SLC4A10: variants seen among roughly 807,000 people sequenced by gnomAD.
The protein encoded by SLC4A10 is sodium-driven chloride bicarbonate exchanger.
A neutral mutation model predicts 137.7 loss-of-function variants in SLC4A10; 42 were observed. That is an observed-to-expected ratio of 0.30 (90% CI 0.24 to 0.39). The LOEUF (loss-of-function observed/expected upper bound fraction) is 0.39, where lower values mean the gene tolerates loss of function less well. SLC4A10 is among the 10% of genes least tolerant of loss of function. The pLI is 1.00. For missense variants in SLC4A10, 925 were observed against 1,355.0 expected, an observed-to-expected ratio of 0.68 and a Z score of 4.98; for synonymous variants, 474 against 464.1, an observed-to-expected ratio of 1.02 and a Z score of -0.27.
At chr2:161,849,826 C>T (rs1482229284) in intron 4 of SLC4A10, among the ~76,000 whole-genome samples, 1 of 152,012 alleles carries the variant, frequency 6.6e-6, no homozygotes. Context: ...AGGATTTTTG[C>T]ATCTATGTTT....
chr2:161,862,726 G>T, intron 5 of SLC4A10, 148 bp from the exon 6 acceptor site: 2 of 576,890 alleles, frequency 3.5e-6, no homozygotes, highest in Non-Finnish European at 5.3e-6. Flanking sequence ...ATTTATAACA[G>T]CATGCTTAGA....
chr2:161,665,510 T>C (rs994488411), intron 1 of SLC4A10, among the ~76,000 whole-genome samples: 10 of 151,624 alleles, frequency 6.6e-5, no homozygotes, highest in African/African-American at 2.4e-4. Context: ...ACAAGATAGG[T>C]GAAGTCCTGT....
intron 11 of SLC4A10, among the ~76,000 whole-genome samples, chr2:161,899,584 C>A (rs1441976498): frequency 6.6e-6 from 1 of 152,052 alleles, no homozygotes; most frequent in Non-Finnish European, 1.5e-5. Context: ...TTACTTGGCT[C>A]CCAAAACATC....
intron 1 of SLC4A10, among the ~76,000 whole-genome samples, chr2:161,631,619 G>GAA (rs915395508): frequency 1.8e-4 from 27 of 151,512 alleles, no homozygotes; most frequent in African/African-American, 6.5e-4. Flanking sequence ...GAGAGAGAGA[G>GAA]AACTATTTCA....
chr2:161,666,891 G>C (rs892675854), intron 1 of SLC4A10, among the ~76,000 whole-genome samples: 100 of 151,758 alleles, frequency 6.6e-4, no homozygotes, highest in African/African-American at 2.3e-3. Context: ...CTGCTTATAA[G>C]TTATATTCTA....
chr2:161,638,082 C>T (rs1385592441), intron 1 of SLC4A10, among the ~76,000 whole-genome samples: 1 of 152,108 alleles, frequency 6.6e-6, no homozygotes, highest in Non-Finnish European at 1.5e-5. Context: ...ATTAAGTTGT[C>T]TTTTTGCTCT....
At chr2:161,649,949 A>G (rs1433350859) in intron 1 of SLC4A10, among the ~76,000 whole-genome samples, 1 of 152,144 alleles carries the variant, frequency 6.6e-6, no homozygotes, top group Non-Finnish European at 1.5e-5. Flanking sequence ...TCTTTACTCA[A>G]TTTCCTCTAC....
chr2:161,770,728 C>T (rs1037458255), intron 1 of SLC4A10, among the ~76,000 whole-genome samples: 8 of 151,602 alleles, frequency 5.3e-5, no homozygotes, highest in South Asian at 2.1e-4. Flanking sequence ...CAAATGGTGC[C>T]AACTGGAATG....
At chr2:161,754,316 G>T (rs2049342293) in intron 1 of SLC4A10, among the ~76,000 whole-genome samples, 1 of 152,066 alleles carries the variant, frequency 6.6e-6, no homozygotes, top group Admixed American at 6.6e-5. Context: ...AAGTGGGAGG[G>T]TGAACATAAC....
At chr2:161,912,064 T>C (rs1485655157) in intron 15 of SLC4A10, among the ~76,000 whole-genome samples, 2 of 152,110 alleles carry the variant, frequency 1.3e-5, no homozygotes, top group Non-Finnish European at 2.9e-5. Context: ...CCTCTTTCAT[T>C]CTCACTGTCC....
intron 1 of SLC4A10, among the ~76,000 whole-genome samples, chr2:161,642,869 T>C (rs1030062344): frequency 7.2e-5 from 11 of 151,996 alleles, no homozygotes; most frequent in African/African-American, 2.7e-4. Flanking sequence ...CAGCCTCTGG[T>C]TTCTTAAACT....
At chr2:161,819,380 G>A (rs2057414206) in intron 3 of SLC4A10, among the ~76,000 whole-genome samples, 1 of 151,902 alleles carries the variant, frequency 6.6e-6, no homozygotes, top group South Asian at 2.1e-4. Context: ...AACCTACTTT[G>A]GCTACTGTAC....
intron 10 of SLC4A10, among the ~76,000 whole-genome samples, chr2:161,886,760 C>T (rs947264806): frequency 2.0e-5 from 3 of 151,994 alleles, no homozygotes; most frequent in African/African-American, 7.3e-5. Flanking sequence ...GTGGCTGTCT[C>T]AACCCCCAAA....
Position 161,839,815 on chromosome 2 carries a change from A to T in SLC4A10, c.304A>T (p.Ile102Phe). ...CACCCCATCACAGAGGGTACAGTTT[A>T]TTCTTGGAACCGAGGATGATGACGA... is the stretch of plus-strand genomic sequence containing the variant. ...FDTPSQRVQF[I>F]LGTEDDDEEH... Residue 102 changes from isoleucine (I) to phenylalanine (F), a missense_variant, in exon 4 of 27, where the codon ATT (isoleucine) becomes TTT (phenylalanine). By Grantham distance (21) the Ile-to-Phe change is conservative. This residue lies in a region of SLC4A10 where 138 missense variants were observed against 171.3 expected (regional missense o/e 0.81). Coordinates refer to ENST00000446997, the MANE Select transcript of SLC4A10 (RefSeq NM_001178015.2). The T allele has an allele frequency of 6.2e-7, 1 of 1,613,832 alleles. No homozygotes were observed. Among genetic ancestry groups the T allele is most frequent in the Non-Finnish European group, 8.5e-7 (1 of 1,179,818 alleles).
chr2:161,721,069 T>C (rs1319867664), intron 1 of SLC4A10, among the ~76,000 whole-genome samples: 3 of 152,194 alleles, frequency 2.0e-5, no homozygotes, highest in Non-Finnish European at 4.4e-5. Context: ...CCTCAGGTGA[T>C]CCACCCACCT....
chr2:161,914,663 T>C (rs74799329), intron 15 of SLC4A10, among the ~76,000 whole-genome samples: 1 of 152,142 alleles, frequency 6.6e-6, no homozygotes, highest in Non-Finnish European at 1.5e-5. Context: ...ATTTTTTTTT[T>C]TATTATAAAA....
At chr2:161,800,397 T>C (rs1390476965) in intron 2 of SLC4A10, among the ~76,000 whole-genome samples, 2 of 152,048 alleles carry the variant, frequency 1.3e-5, no homozygotes, top group East Asian at 1.9e-4. Context: ...TCAATGGATA[T>C]TTATTGAGCA....
At chr2:161,903,013 G>T (rs1160521242) in intron 12 of SLC4A10, among the ~76,000 whole-genome samples, 1 of 151,962 alleles carries the variant, frequency 6.6e-6, no homozygotes, top group Non-Finnish European at 1.5e-5. Context: ...ATTCATTTTT[G>T]CTATCACATC....
intron 1 of SLC4A10, among the ~76,000 whole-genome samples, chr2:161,656,901 G>T (rs1282608809): frequency 6.6e-6 from 1 of 151,886 alleles, no homozygotes; most frequent in Admixed American, 6.6e-5. Context: ...AAAAAATTGA[G>T]AATATTATAA....
Sources: gnomAD v4.1 joint callset for allele counts (sites outside exome capture counted in the v4.1 genomes callset) on GRCh38, gnomAD v4.1.1 for gene constraint, gnomAD v4.1.1 regional missense constraint, MANE v1.5 for transcripts, NCBI Gene and HGNC (gene_info 2026-07-23, HGNC 2026-07-21) for gene names.